The following NPEPL1 variants were observed in gnomAD, a reference collection of about 807,000 sequenced individuals.
NPEPL1 encodes probable aminopeptidase NPEPL1.
NPEPL1 carries 45 observed loss-of-function variants against 52.4 expected under a neutral mutation model. The observed-to-expected ratio is 0.86, with a 90% confidence interval of 0.68 to 1.10. The LOEUF is 1.10. Among genes scored for constraint, NPEPL1 ranks in the 50% least tolerant of loss-of-function variants. The probability of loss-of-function intolerance (pLI) is 0.00; values close to 1 mark genes in which losing one functional copy is unlikely to be tolerated. For missense variants in NPEPL1, 696 were observed against 710.9 expected (o/e 0.98, Z 0.24); for synonymous variants, 360 against 314.7 (o/e 1.14, Z -1.52).
chr20:58,707,214 G>A lies in NPEPL1; in HGVS notation c.900+14G>A. The stretch of plus-strand genomic sequence containing the variant: ...GCAATCAAGCAGGTGAGTGGGCCCT[G>A]CCCGCCCTCTGCAGGGGCATCCTGG... On this transcript the variant is annotated intron_variant, in intron 7 of 11. Transcript: ENST00000356091. The A allele has an allele frequency of 1.9e-6, 3 of 1,546,062 alleles. No individual in the cohort carries two copies. Among genetic ancestry groups the A allele is most frequent in the Admixed American group, 3.9e-5 (2 of 50,764 alleles).
Position 58,692,926 on chromosome 20 carries a change from A to G in NPEPL1, c.26A>G (p.Gln9Arg). Residue 9 changes from glutamine to arginine, a missense_variant, in exon 1 of 12, where the codon CAG becomes CGG. Transcript: ENST00000356091. The surrounding 1 kb of genome is among the most constrained non-coding windows in gnomAD (Gnocchi z 5.7). ...ATGGCGAACGTGGGGCTGCAGTTCC[A>G]GGCGAGCGCGGGGGACTCGGACCCA... is the stretch of plus-strand genomic sequence containing the variant. Reference protein sequence around the residue: MANVGLQFQASAGDSDPQS... With the variant: MANVGLQFRASAGDSDPQS... 2 of 1,122,566 alleles carry G rather than the reference A, an allele frequency of 1.8e-6. No homozygotes were observed. The highest frequency in any genetic ancestry group is 4.0e-5 in the Admixed American group (1 of 24,878). The allele number at this position is 1,122,566 out of a possible 1,614,324, so 69.5% of individuals were successfully genotyped here. A position where few individuals can be genotyped will look rare whatever the true frequency, so the allele number is the denominator to read the frequency against.
At chr20:58,707,676 C>T (rs1469810660) in intron 7 of NPEPL1, among the ~76,000 whole-genome samples, 1 of 139,938 alleles carries the variant, frequency 7.1e-6, no homozygotes, top group Non-Finnish European at 1.5e-5. Flanking sequence ...TGCCCCAATG[C>T]TTAGCCCTTG....
chr20:58,703,488 A>AT, intron 6 of NPEPL1: 1 of 970,920 alleles, frequency 1.0e-6, no homozygotes, highest in South Asian at 4.7e-5. Context: ...CTCAATACCC[A>AT]CGGTCACCCT....
At chr20:58,702,950 C>T (rs1054113043) in intron 6 of NPEPL1, among the ~76,000 whole-genome samples, 1 of 152,310 alleles carries the variant, frequency 6.6e-6, no homozygotes, top group Admixed American at 6.5e-5. Flanking sequence ...GCATTTTGGA[C>T]ACAGTAACTC....
intron 7 of NPEPL1, among the ~76,000 whole-genome samples, chr20:58,709,680 G>A (rs150797764): frequency 1.3e-4 from 20 of 152,356 alleles, no homozygotes; most frequent in African/African-American, 4.8e-4. Context: ...CATGCCTCCA[G>A]AGGCAGTGTA....
At position 58,712,574 on chromosome 20, in the gene NPEPL1, A is replaced by G; in HGVS notation, c.996A>G (p.Ser332=). The change falls in exon 8 of 12, where the codon TCA becomes TCG. Residue 332 remains serine, a synonymous_variant. Coordinates refer to ENST00000356091, the MANE Select transcript of NPEPL1 (RefSeq NM_024663.4). ...TRPDDIHLLY[S]GKTVEINNTD... ...CAGATGACATCCACCTGCTGTACTC[A>G]GGGAAGTACGTCTGGCCCTCCCACT... 1 of 1,610,026 alleles carries G rather than the reference A, an allele frequency of 6.2e-7. No homozygotes were observed. Among genetic ancestry groups the G allele is most frequent in the Non-Finnish European group, 8.5e-7 (1 of 1,176,534 alleles).
intron 6 of NPEPL1, among the ~76,000 whole-genome samples, chr20:58,704,860 C>T (rs1169703236): frequency 1.3e-5 from 2 of 152,190 alleles, no homozygotes; most frequent in South Asian, 2.1e-4. Flanking sequence ...AATCTGAAGC[C>T]TCATGAATAG....
At chr20:58,700,901 C>T (rs753479043) in intron 5 of NPEPL1, 115 bp from the exon 6 acceptor site, 92 of 1,122,160 alleles carry the variant, frequency 8.2e-5, no homozygotes, top group Non-Finnish European at 1.1e-4. Context: ...GCACCAGGCT[C>T]AGGCAGGCGG....
chr20:58,695,070 GGTGTGTGTGGTGTA>G (rs2084443898), intron 3 of NPEPL1, among the ~76,000 whole-genome samples: 1 of 128,902 alleles, frequency 7.8e-6, no homozygotes, highest in Admixed American at 7.6e-5. Context: ...GTGCATGAGT[GGTGTGTGTGGTGTA>G]CGTGTGGTAT....
chr20:58,710,120 C>T (rs546012116), intron 7 of NPEPL1, among the ~76,000 whole-genome samples: 7 of 148,764 alleles, frequency 4.7e-5, no homozygotes, highest in East Asian at 2.0e-4. Flanking sequence ...CTCACTGCAA[C>T]GCCTCCCAGG....
intron 10 of NPEPL1, 42 bp downstream of exon 10, chr20:58,714,135 GAGC>G: frequency 6.6e-7 from 1 of 1,512,206 alleles, no homozygotes; most frequent in Non-Finnish European, 8.8e-7. Flanking sequence ...CACATGGGTG[GAGC>G]CGGGCAGGCG....
intron 1 of NPEPL1, 104 bp downstream of exon 1, chr20:58,693,154 C>T (rs2084390047): frequency 7.4e-6 from 6 of 815,570 alleles, no homozygotes; most frequent in Non-Finnish European, 8.9e-6. Context: ...CGCCGCCGGG[C>T]CGGGCCCAAC....
chr20:58,703,227 C>T (rs959181338), intron 6 of NPEPL1, among the ~76,000 whole-genome samples: 32 of 152,170 alleles, frequency 2.1e-4, no homozygotes, highest in African/African-American at 6.8e-4. Context: ...TAAGTAACAA[C>T]GATATGCGAA....
chr20:58,704,324 A>AGGGCAGCTCAAGACCAGCCTG (rs2084696315), intron 6 of NPEPL1: 3 of 985,334 alleles, frequency 3.0e-6, no homozygotes, highest in Non-Finnish European at 3.6e-6. Flanking sequence ...AAAGATTTCA[A>AGGGCAGCTCAAGACCAGCCTG]GGGCAGCTCA....
rs2084400276 is a variant in NPEPL1, at chr20:58,693,615, G to A, written c.151-122G>A. On this transcript the variant is annotated intron_variant, in intron 1 of 11. Coordinates refer to ENST00000356091, the MANE Select transcript of NPEPL1 (RefSeq NM_024663.4). ...CCTAAGGATGGGAAAACGGTGGCCG[G>A]GAGCTGCGCAGTGCCCTTCCAGGAC... is the stretch of plus-strand genomic sequence containing the variant. 11 of 807,106 alleles carry A rather than the reference G, an allele frequency of 1.4e-5. No individual in the cohort carries two copies. The Admixed American group carries it at 1.6e-4, about 12-fold the overall frequency. The allele number at this position is 807,106 out of a possible 1,614,324, so 50.0% of individuals were successfully genotyped here. A position where few individuals can be genotyped will look rare whatever the true frequency, so the allele number is the denominator to read the frequency against.
At chr20:58,700,968 G>C in intron 5 of NPEPL1, 48 bp from the exon 6 acceptor site, 6 of 1,424,114 alleles carry the variant, frequency 4.2e-6, no homozygotes, top group Non-Finnish European at 5.6e-6. Flanking sequence ...GGAGTTCCCC[G>C]CTCAGCTCAG....
chr20:58,705,468 C>A (rs1007826452), intron 6 of NPEPL1: 35 of 456,088 alleles, frequency 7.7e-5, no homozygotes, highest in Non-Finnish European at 1.4e-4. Flanking sequence ...GAAATTCTAA[C>A]GTGAAATTGG....
intron 7 of NPEPL1, among the ~76,000 whole-genome samples, chr20:58,707,658 T>C (rs997622070): frequency 1.6e-5 from 2 of 122,468 alleles, no homozygotes; most frequent in African/African-American, 6.2e-5. Flanking sequence ...CTCTCTTGCG[T>C]GGGCAGGTGC....
chr20:58,710,879 C>G (rs74338216), intron 7 of NPEPL1: 4,741 of 152,548 alleles, frequency 0.031, 86 homozygotes, highest in Middle Eastern at 0.065. Flanking sequence ...TGCCCCAGGA[C>G]TGCAGCTCGC....
Sources: gnomAD v4.1 joint callset for allele counts (sites outside exome capture counted in the v4.1 genomes callset) on GRCh38, gnomAD v4.1.1 for gene constraint, Gnocchi (gnomAD v3.1) non-coding constraint, MANE v1.5 for transcripts, NCBI Gene and HGNC (gene_info 2026-07-23, HGNC 2026-07-21) for gene names.